The following ANKMY1 variants were observed in gnomAD, a reference collection of about 807,000 sequenced individuals.
ANKMY1 encodes ankyrin repeat and MYND domain containing 1, also known as ankyrin repeat and MYND domain-containing protein 1.
Under a neutral mutation model 102.0 loss-of-function variants are expected in ANKMY1, and 98 were observed. The observed-to-expected ratio is 0.96, with a 90% CI of 0.82 to 1.14. The LOEUF (loss-of-function observed/expected upper bound fraction) is 1.14, where lower values mean the gene tolerates loss of function less well. ANKMY1 is among the 50% of genes most tolerant of loss of function. The pLI is 0.00. For missense variants in ANKMY1, 1,330 were observed against 1,347.6 expected, an observed-to-expected ratio of 0.99 and a Z score of 0.20; for synonymous variants, 582 against 559.9, an observed-to-expected ratio of 1.04 and a Z score of -0.56.
chr2:240,533,752 C>T (rs1160526801), intron 4 of ANKMY1, among the ~76,000 whole-genome samples: 1 of 147,494 alleles, frequency 6.8e-6, no homozygotes, highest in Non-Finnish European at 1.5e-5. Context: ...CACACACACA[C>T]ACACTTTTTT....
In ANKMY1 at chr2:240,506,318, A is replaced by G. The variant is rs771829723; in HGVS notation, c.2526+1242T>C. ...AGACTGGTCATCAATCCTGGGCCCTATGAAGCTCCGAAAGAACATTAGGGG... is the reference window on the plus strand; with the variant it reads ...AGACTGGTCATCAATCCTGGGCCCTGTGAAGCTCCGAAAGAACATTAGGGG... On this transcript the variant is annotated intron_variant, in intron 13 of 17. Coordinates refer to ENST00000401804, the MANE Select transcript of ANKMY1 (RefSeq NM_001282771.3). This position sits in a 1 kb window ranked among gnomAD's most constrained non-coding sequence, Gnocchi z 4.9. 9.2e-5 allele frequency among the ~76,000 whole-genome samples: 14 copies of G among 152,182 alleles called. No individual in the cohort carries two copies. Among genetic ancestry groups the G allele is most frequent in the Non-Finnish European group, 1.5e-4 (10 of 68,016 alleles).
chr2:240,530,663 C>T (rs956073328), intron 4 of ANKMY1, among the ~76,000 whole-genome samples: 3 of 152,142 alleles, frequency 2.0e-5, no homozygotes, highest in African/African-American at 7.2e-5. Context: ...TAATACACCA[C>T]CCATGCTACA....
chr2:240,472,292 T>TCCACGGCCGCACGCGGGGACGCAGGC, the ANKMY1 span, among the ~76,000 whole-genome samples: 1 of 148,070 alleles, frequency 6.8e-6, no homozygotes, highest in African/African-American at 2.5e-5. Flanking sequence ...GGCCTACCAA[T>TCCACGGCCGCACGCGGGGACGCAGGC]CTACAACTGC....
chr2:240,509,692 C>T (rs1040266043), intron 11 of ANKMY1, among the ~76,000 whole-genome samples: 2 of 152,174 alleles, frequency 1.3e-5, no homozygotes, highest in African/African-American at 4.8e-5. Flanking sequence ...GCATTCATCA[C>T]TTCCAAATGA....
At chr2:240,485,941 C>T (rs891528139) in intron 15 of ANKMY1, among the ~76,000 whole-genome samples, 3 of 152,204 alleles carry the variant, frequency 2.0e-5, no homozygotes, top group Non-Finnish European at 4.4e-5. Context: ...CCTATACTAA[C>T]AGCAGTGAGA....
At chr2:240,560,540 GC>G, upstream of ANKMY1, 1 of 1,196,200 alleles carries the variant, frequency 8.4e-7, no homozygotes, top group Non-Finnish European at 1.1e-6. Context: ...GGGGACCCAA[GC>G]CCCAGCCTGG....
At chr2:240,489,456 CA>C (rs34868627) in intron 15 of ANKMY1, among the ~76,000 whole-genome samples, 23,504 of 137,174 alleles carry the variant, frequency 0.17, 1,790 homozygotes, top group African/African-American at 0.19. Flanking sequence ...GACTCTATCT[CA>C]AAAAAAAAAA....
At chr2:240,490,884 T>C (rs1047739120) in intron 15 of ANKMY1, among the ~76,000 whole-genome samples, 1 of 152,218 alleles carries the variant, frequency 6.6e-6, no homozygotes, top group Admixed American at 6.5e-5. Context: ...GTTTCTTTGT[T>C]TATCTTCTGT....
At chr2:240,533,633 C>G (rs1364013049) in intron 4 of ANKMY1, among the ~76,000 whole-genome samples, 1 of 151,880 alleles carries the variant, frequency 6.6e-6, no homozygotes, top group Admixed American at 6.6e-5. Context: ...TTCAAGTGCT[C>G]AGGAGACATG....
downstream of ANKMY1, among the ~76,000 whole-genome samples, chr2:240,475,338 T>A (rs1465048880): frequency 6.6e-6 from 1 of 152,038 alleles, no homozygotes; most frequent in African/African-American, 2.4e-5. Flanking sequence ...CATACAAAAA[T>A]TAGTTGTGTT....
chr2:240,515,468 G>A (rs902461282), intron 9 of ANKMY1, among the ~76,000 whole-genome samples: 14 of 152,064 alleles, frequency 9.2e-5, no homozygotes, highest in African/African-American at 3.4e-4. Context: ...CCAGGAGGCG[G>A]AGGCTGCAGT....
intron 4 of ANKMY1, among the ~76,000 whole-genome samples, chr2:240,535,185 T>C (rs193082244): frequency 6.6e-6 from 1 of 152,248 alleles, no homozygotes; most frequent in East Asian, 1.9e-4. Flanking sequence ...TACAGCTTGG[T>C]TTTATATGTT....
chr2:240,504,684 A>G (rs563046541), intron 13 of ANKMY1, among the ~76,000 whole-genome samples: 30 of 152,326 alleles, frequency 2.0e-4, no homozygotes, highest in African/African-American at 7.2e-4. Flanking sequence ...CAACATCACT[A>G]ATCATTAGGG....
At chr2:240,548,513 G>A (rs959593008) in intron 4 of ANKMY1, among the ~76,000 whole-genome samples, 63 of 151,966 alleles carry the variant, frequency 4.1e-4, no homozygotes, top group African/African-American at 1.5e-3. Flanking sequence ...GTTCTGGCCA[G>A]GGCAATTAGG....
chr2:240,538,693 G>A (rs2087671032), intron 4 of ANKMY1, among the ~76,000 whole-genome samples: 1 of 152,144 alleles, frequency 6.6e-6, no homozygotes, highest in Admixed American at 6.5e-5. Flanking sequence ...TCCCCCAGTG[G>A]CCCTGGCGTG....
At chr2:240,521,966 CTG>C in intron 8 of ANKMY1, 1 of 152,196 alleles carries the variant, frequency 6.6e-6, no homozygotes, top group Non-Finnish European at 1.5e-5. Flanking sequence ...ATTGTGAAGA[CTG>C]AAAGAACAAA....
intron 17 of ANKMY1, 58 bp from the exon 18 acceptor site, chr2:240,479,713 G>A: frequency 3.9e-6 from 6 of 1,526,184 alleles, no homozygotes; most frequent in East Asian, 2.2e-5. Flanking sequence ...GGCCTCCCCC[G>A]AGGCCTGGCT....
At chr2:240,521,492 T>C (rs1297327114) in intron 8 of ANKMY1, among the ~76,000 whole-genome samples, 2 of 50,230 alleles carry the variant, frequency 4.0e-5, no homozygotes, top group African/African-American at 8.9e-5. Context: ...GTGTTACAGC[T>C]TTTTTTTTTT....
intron 15 of ANKMY1, among the ~76,000 whole-genome samples, chr2:240,497,565 T>TG (rs1559252083): frequency 6.6e-6 from 1 of 152,238 alleles, no homozygotes; most frequent in East Asian, 1.9e-4. Flanking sequence ...GATCAGTCCT[T>TG]GGGGTGTGTG....
Sources: allele counts gnomAD v4.1 joint callset (sites outside exome capture counted in the v4.1 genomes callset), GRCh38; gene constraint gnomAD v4.1.1; non-coding constraint Gnocchi (gnomAD v3.1); transcripts MANE v1.5; gene names NCBI Gene and HGNC (gene_info 2026-07-23, HGNC 2026-07-21).